LRRCC1: variants seen among roughly 807,000 people sequenced by gnomAD.
LRRCC1 encodes leucine rich repeat and coiled-coil centrosomal protein 1.
LRRCC1 carries 115 observed loss-of-function variants against 126.0 expected under a neutral mutation model. The observed-to-expected ratio is 0.91, with a 90% CI of 0.78 to 1.07. The LOEUF (loss-of-function observed/expected upper bound fraction) is 1.07. Among genes scored for constraint, LRRCC1 ranks in the 50% least tolerant of loss-of-function variants. The pLI, the probability that LRRCC1 is intolerant of heterozygous loss-of-function variation, is 0.00. For synonymous variants in LRRCC1, 400 were observed against 393.4 expected (o/e 1.02, Z -0.20); for missense variants, 1,172 against 1,175.7 (o/e 1.00, Z 0.05).
Position 85,132,370 on chromosome 8 carries a change from ACTTTCTTTTTT to A in LRRCC1, c.1968+410_1968+420del, listed in dbSNP as rs1810536663. On this transcript the variant is annotated intron_variant, in intron 12 of 18. Transcript: ENST00000360375. Reference sequence around the variant, plus strand: ...TTCCATTACAAAAGCACAGTTGAGTACTTTCTTTTTTTTTTTTTTTTTTTTTTTTTTTTGTT... The same window carrying A: ...TTCCATTACAAAAGCACAGTTGAGTATTTTTTTTTTTTTTTTTTTTTTGTT... Among the ~76,000 whole-genome samples the A allele has an allele frequency of 1.1e-4, 14 of 128,674 alleles. No homozygotes were observed. In the South Asian group the frequency reaches 3.2e-3, roughly 29 times the overall value. 84.4% of individuals were successfully genotyped at this position (128,674 alleles called of 152,430 possible).
intron 17 of LRRCC1, among the ~76,000 whole-genome samples, 184 bp downstream of exon 17, chr8:85,138,659 G>A (rs1029249399): frequency 3.9e-5 from 6 of 152,212 alleles, no homozygotes; most frequent in African/African-American, 1.2e-4. Flanking sequence ...TGTTAGATAA[G>A]AGGTTGACAT....
intron 6 of LRRCC1, among the ~76,000 whole-genome samples, chr8:85,121,894 T>C (rs944313093): frequency 6.6e-6 from 1 of 152,226 alleles, no homozygotes; most frequent in Non-Finnish European, 1.5e-5. Context: ...TGTGATGCTC[T>C]TTATTTCTTC....
At position 85,135,775 on chromosome 8, in the gene LRRCC1, TTG is replaced by T; in HGVS notation, c.2155-13_2155-12del. ...AATATAATAATTCTTATTTTTTTTT[TTG>T]GGAATATACAGAATCAAATCAACAC... On this transcript the variant is annotated splice_polypyrimidine_tract_variant and intron_variant, in intron 13 of 18. Coordinates refer to ENST00000360375, the MANE Select transcript of LRRCC1 (RefSeq NM_033402.5). 7.3e-7 allele frequency: 1 copy of T among 1,368,940 alleles called. No homozygotes were observed. The highest frequency in any genetic ancestry group is 9.6e-7 in the Non-Finnish European group (1 of 1,042,002). The allele number at this position is 1,368,940 out of a possible 1,614,324, so 84.8% of individuals were successfully genotyped here. A position where few individuals can be genotyped will look rare whatever the true frequency, so the allele number is the denominator to read the frequency against.
At chr8:85,115,301 A>G (rs755101928) in intron 5 of LRRCC1, 26 bp downstream of exon 5, 2 of 1,558,026 alleles carry the variant, frequency 1.3e-6, no homozygotes, top group Non-Finnish European at 1.7e-6. Context: ...TTTTTTTCCT[A>G]ATATAAAAAA....
chr8:85,143,592 T>A (rs1811419639), intron 18 of LRRCC1, among the ~76,000 whole-genome samples: 1 of 152,174 alleles, frequency 6.6e-6, no homozygotes, highest in East Asian at 1.9e-4. Flanking sequence ...TGAGCTGTGA[T>A]CATACCACTG....
At chr8:85,125,545 C>T (rs1267714565) in intron 8 of LRRCC1, among the ~76,000 whole-genome samples, 2 of 147,324 alleles carry the variant, frequency 1.4e-5, no homozygotes, top group South Asian at 4.3e-4. Context: ...TAGTGGCGGG[C>T]GCCTGTAGTC....
Position 85,109,784 on chromosome 8 carries a change from G to C in LRRCC1, c.294G>C (p.Leu98Phe). The C allele has an allele frequency of 6.4e-7, 1 of 1,562,746 alleles. No homozygotes were observed. Among genetic ancestry groups the C allele is most frequent in the Non-Finnish European group, 8.7e-7 (1 of 1,144,746 alleles). ...GCACATTAAATTTGTCCTGCAATTT[G>C]ATTACAAAAGTAGAAGGTTTGTAAG... ...KLCTLNLSCN[L>F]ITKVEGLEEL... Residue 98 changes from leucine to phenylalanine, a missense_variant, in exon 2 of 19, where the codon TTG (leucine) becomes TTC (phenylalanine). Leu to Phe is a conservative substitution (Grantham distance 22). Transcript: ENST00000360375.
At position 85,131,964 on chromosome 8, in the gene LRRCC1, A is replaced by G. The variant is rs757093613; in HGVS notation, c.1968+3A>G. The stretch of plus-strand genomic sequence containing the variant: ...TTGAAGCCAGAAGATTTCAAGATGT[A>G]AGAATTGGCACCCAGCTTTTTATTG... On this transcript the variant is annotated splice_donor_region_variant and intron_variant, in intron 12 of 18. Coordinates refer to ENST00000360375, the MANE Select transcript of LRRCC1 (RefSeq NM_033402.5). The G allele has an allele frequency of 1.9e-6, 3 of 1,606,620 alleles. No homozygotes were observed. The highest frequency in any genetic ancestry group is 2.5e-6 in the Non-Finnish European group (3 of 1,177,678).
chr8:85,143,335 G>A (rs188218219), intron 18 of LRRCC1, among the ~76,000 whole-genome samples: 2 of 150,824 alleles, frequency 1.3e-5, no homozygotes, highest in East Asian at 2.0e-4. Flanking sequence ...AAAAAAAAAG[G>A]CTACCAAATT....
At chr8:85,130,252 C>T (rs942767041) in intron 11 of LRRCC1, among the ~76,000 whole-genome samples, 194 bp downstream of exon 11, 1 of 151,432 alleles carries the variant, frequency 6.6e-6, no homozygotes, top group African/African-American at 2.4e-5. Flanking sequence ...TCTCCTGCCT[C>T]AGCCTCCCGA....
rs976547558 is a variant in LRRCC1, at chr8:85,108,067, A to T, written c.104+668A>T. Among the ~76,000 whole-genome samples, 4 of 152,328 alleles carry T rather than the reference A, an allele frequency of 2.6e-5. No homozygotes were observed. In the South Asian group the frequency reaches 8.3e-4, roughly 32 times the overall value. On this transcript the variant is annotated intron_variant, in intron 1 of 18. Coordinates refer to ENST00000360375, the MANE Select transcript of LRRCC1 (RefSeq NM_033402.5). ...TCTCCACCTGCATTTCAGGCTCTTTAGTCTCGACCCGTAACATTTCTCCAC... is the reference window on the plus strand; with the variant it reads ...TCTCCACCTGCATTTCAGGCTCTTTTGTCTCGACCCGTAACATTTCTCCAC...
intron 6 of LRRCC1, 104 bp downstream of exon 6, chr8:85,115,688 G>T (rs1809064610): frequency 1.4e-6 from 1 of 738,996 alleles, no homozygotes; most frequent in African/African-American, 1.8e-5. Flanking sequence ...CTATTTTAGT[G>T]CATCAGTGTT....
At chr8:85,144,828 T>A (rs189511335) in intron 18 of LRRCC1, among the ~76,000 whole-genome samples, 218 of 143,778 alleles carry the variant, frequency 1.5e-3, no homozygotes, top group Non-Finnish European at 2.9e-3. Flanking sequence ...CCCAGCACTT[T>A]GGGAGGCCGA....
intron 17 of LRRCC1, among the ~76,000 whole-genome samples, chr8:85,138,718 T>C (rs1484119224): frequency 6.6e-6 from 1 of 152,224 alleles, no homozygotes; most frequent in Non-Finnish European, 1.5e-5. Flanking sequence ...ATATGAATTA[T>C]CTAGTTCTTA....
At chr8:85,139,248 G>A (rs1811087392) in intron 17 of LRRCC1, among the ~76,000 whole-genome samples, 1 of 152,024 alleles carries the variant, frequency 6.6e-6, no homozygotes, top group Non-Finnish European at 1.5e-5. Flanking sequence ...AGCACAAGCT[G>A]AGGATGAGAG....
chr8:85,115,805 T>C (rs1057251489), intron 6 of LRRCC1, among the ~76,000 whole-genome samples: 1 of 152,206 alleles, frequency 6.6e-6, no homozygotes, highest in African/African-American at 2.4e-5. Flanking sequence ...CTTTACATCT[T>C]CATTATGTAA....
chr8:85,141,835 A>T (rs1811273418), intron 18 of LRRCC1, among the ~76,000 whole-genome samples: 1 of 152,206 alleles, frequency 6.6e-6, no homozygotes, highest in South Asian at 2.1e-4. Context: ...GCAGGGTGAG[A>T]ATCTGAAGGT....
chr8:85,109,626 C>T lies in LRRCC1; in HGVS notation c.136C>T (p.His46Tyr), dbSNP rs780809898. 3.7e-6 allele frequency: 6 copies of T among 1,608,950 alleles called. No individual in the cohort carries two copies. In the South Asian group the frequency reaches 4.4e-5, roughly 12 times the overall value. ...AGAATTATCTTTAGATTCAACTCTT[C>T]ATGCCGTCAATCTTCATTGCAATAA... ...ISELSLDSTL[H>Y]AVNLHCNNIS... The change falls in exon 2 of 19, where the codon CAT (histidine) becomes TAT (tyrosine). Residue 46 changes from histidine to tyrosine, a missense_variant. By Grantham distance (83) the His-to-Tyr change is moderately conservative. Coordinates refer to ENST00000360375, the MANE Select transcript of LRRCC1 (RefSeq NM_033402.5).
At chr8:85,114,366 G>A (rs1056250597) in intron 4 of LRRCC1, among the ~76,000 whole-genome samples, 2 of 151,802 alleles carry the variant, frequency 1.3e-5, no homozygotes, top group Non-Finnish European at 2.9e-5. Flanking sequence ...GTAACTTATT[G>A]CTGAAATGAC....
Sources: gnomAD v4.1 joint callset for allele counts (sites outside exome capture counted in the v4.1 genomes callset) on GRCh38, gnomAD v4.1.1 for gene constraint, MANE v1.5 for transcripts, NCBI Gene and HGNC (gene_info 2026-07-23, HGNC 2026-07-21) for gene names.